MAGI3: variants seen among roughly 807,000 people sequenced by gnomAD.
MAGI3 encodes membrane associated guanylate kinase, WW and PDZ domain containing 3.
A neutral mutation model predicts 121.8 loss-of-function variants in MAGI3; 43 were observed. The observed-to-expected ratio is 0.35, with a 90% CI of 0.28 to 0.46. The LOEUF is 0.46. MAGI3 is among the 20% of genes least tolerant of loss of function. The pLI is 1.00. For synonymous variants in MAGI3, 553 were observed against 639.3 expected (o/e 0.86, Z 2.04); for missense variants, 1,547 against 1,797.3 (o/e 0.86, Z 2.52).
chr1:113,503,218 TTAAAAAAAAAAAAAAAAAAA>T (rs1287710106), intron 1 of MAGI3, among the ~76,000 whole-genome samples: 253 of 11,722 alleles, frequency 0.022, 8 homozygotes, highest in Admixed American at 0.028. Context: ...TAGAGTATAA[TTAAAAAAAAAAAAAAAAAAA>T]AAAAAAAAAA....
chr1:113,616,885 CT>C (rs36011283), intron 7 of MAGI3, among the ~76,000 whole-genome samples: 238 of 134,094 alleles, frequency 1.8e-3, no homozygotes, highest in Middle Eastern at 3.9e-3. Context: ...ACAACTAAAA[CT>C]TTTTTTTTTT....
chr1:113,593,658 T>G (rs1392813847), intron 5 of MAGI3, among the ~76,000 whole-genome samples: 1 of 152,250 alleles, frequency 6.6e-6, no homozygotes, highest in Non-Finnish European at 1.5e-5. Context: ...ATATTTAAAC[T>G]AACACTGTTT....
At position 113,391,595 on chromosome 1, in the gene MAGI3, T is replaced by C. The variant is rs111309720; in HGVS notation, c.316+246T>C. On this transcript the variant is annotated intron_variant, in intron 1 of 20. Transcript: ENST00000307546. The surrounding 1 kb of genome is among the most constrained non-coding windows in gnomAD (Gnocchi z 4.4). ...GTGCTAGCTGTCACAGAATTGCGAC[T>C]AGAAGCTGGGTTTCCTACATTTGTA... Among the ~76,000 whole-genome samples, 825 of 152,304 alleles carry C rather than the reference T, an allele frequency of 5.4e-3. 9 individuals carry two copies. Among genetic ancestry groups the C allele is most frequent in the Middle Eastern group, 0.02 (6 of 294 alleles).
At chr1:113,426,612 A>G (rs764521753) in intron 1 of MAGI3, among the ~76,000 whole-genome samples, 5 of 152,172 alleles carry the variant, frequency 3.3e-5, no homozygotes, top group Non-Finnish European at 1.5e-5. Flanking sequence ...ATGTTTTCCT[A>G]GTAGATTGAC....
chr1:113,633,099 T>C (rs1651745150), intron 9 of MAGI3, among the ~76,000 whole-genome samples: 1 of 132,460 alleles, frequency 7.5e-6, no homozygotes, highest in Non-Finnish European at 1.5e-5. Context: ...TTCCCCTTCC[T>C]GTGTCCATGT....
intron 2 of MAGI3, among the ~76,000 whole-genome samples, chr1:113,552,566 C>A (rs1416108164): frequency 6.6e-6 from 1 of 152,156 alleles, no homozygotes; most frequent in African/African-American, 2.4e-5. Flanking sequence ...CTTGTACTTT[C>A]TAAGATAGGT....
intron 1 of MAGI3, chr1:113,449,885 T>G (rs549801272): frequency 6.6e-7 from 1 of 1,525,134 alleles, no homozygotes; most frequent in Admixed American, 1.7e-5. Flanking sequence ...TGACTTATTC[T>G]TGTGTTGAAG....
intron 1 of MAGI3, among the ~76,000 whole-genome samples, chr1:113,418,338 A>G (rs753847588): frequency 1.3e-5 from 2 of 151,882 alleles, no homozygotes; most frequent in Non-Finnish European, 2.9e-5. Flanking sequence ...CCTACTTGAA[A>G]TTTTCCACAG....
In MAGI3 at chr1:113,489,169, GC is replaced by G. The variant is rs142365833; in HGVS notation, c.317-60338del. On this transcript the variant is annotated intron_variant, in intron 1 of 20. Coordinates refer to ENST00000307546, the MANE Select transcript of MAGI3 (RefSeq NM_001142782.2). ...GACCAGCGGTCTGGGAACACCTTAGGCCCCCCCCGACCCCAGCACAGTGGAT... is the reference window on the plus strand; with the variant it reads ...GACCAGCGGTCTGGGAACACCTTAGGCCCCCCCGACCCCAGCACAGTGGAT... Among the ~76,000 whole-genome samples, 13 of 148,404 alleles carry G rather than the reference GC, an allele frequency of 8.8e-5. No homozygotes were observed. In the East Asian group the frequency reaches 2.0e-3, roughly 23 times the overall value.
At chr1:113,456,372 C>A (rs776884511) in intron 1 of MAGI3, among the ~76,000 whole-genome samples, 9 of 152,116 alleles carry the variant, frequency 5.9e-5, no homozygotes, top group Admixed American at 2.6e-4. Flanking sequence ...TGTAAGCTTT[C>A]TAGGAAATAA....
rs776249111 is a variant in MAGI3, at chr1:113,682,897, G to A, written c.3329G>A (p.Gly1110Asp). 1 of 1,561,522 alleles carries A rather than the reference G, an allele frequency of 6.4e-7. No homozygotes were observed. Among genetic ancestry groups the A allele is most frequent in the Non-Finnish European group, 8.6e-7 (1 of 1,159,062 alleles). Residue 1110 changes from glycine to aspartate, a missense_variant and splice_region_variant, in exon 21 of 21, where the codon GGT (glycine) becomes GAT (aspartate). Transcript: ENST00000307546. ...TGTTCCATTCAAATCACTTTTTTAG[G>A]TGATTGGGATATTAATAATCCTTCG... ...RPGTGLIPDHGDWDINNPSSS... is the reference protein window; with the variant it reads ...RPGTGLIPDHDDWDINNPSSS...
chr1:113,672,658 T>TA lies in MAGI3; in HGVS notation c.2963dup (p.Tyr988Ter). ...GEIGKDVSTSYRHSWSDHKHL... is the reference protein window; with the variant it reads ...GEIGKDVSTS ...AATTGGAAAAGATGTCTCCACTTCT[T>TA]ACAGACATTCTTGGTCAGACCACAA... Residue 988 changes from tyrosine to a stop codon, truncating the protein, a stop_gained and frameshift_variant, in exon 18 of 21, where the codon TAC becomes TAAC. Coordinates refer to ENST00000307546, the MANE Select transcript of MAGI3 (RefSeq NM_001142782.2). LOFTEE classifies it high-confidence loss of function. 1 of 1,613,958 alleles carries TA rather than the reference T, an allele frequency of 6.2e-7. No individual in the cohort carries two copies. The highest frequency in any genetic ancestry group is 2.2e-5 in the East Asian group (1 of 44,866).
chr1:113,668,990 T>A (rs1262602774), intron 16 of MAGI3, among the ~76,000 whole-genome samples: 6 of 152,208 alleles, frequency 3.9e-5, no homozygotes, highest in Admixed American at 1.3e-4. Flanking sequence ...TTGATCAGAT[T>A]ACTTCTATTG....
chr1:113,616,204 A>G (rs1359394502), intron 7 of MAGI3, among the ~76,000 whole-genome samples: 1 of 152,214 alleles, frequency 6.6e-6, no homozygotes, highest in African/African-American at 2.4e-5. Flanking sequence ...AGGGAGGTAC[A>G]TGAAATAGCC....
At chr1:113,555,575 C>G (rs1386936954) in intron 2 of MAGI3, among the ~76,000 whole-genome samples, 1 of 152,076 alleles carries the variant, frequency 6.6e-6, no homozygotes, top group Non-Finnish European at 1.5e-5. Context: ...CACCACAAAA[C>G]AAGAACTGAT....
chr1:113,659,552 A>C (rs560319079), intron 16 of MAGI3, among the ~76,000 whole-genome samples: 1 of 152,368 alleles, frequency 6.6e-6, no homozygotes, highest in South Asian at 2.1e-4. Context: ...TACTTTTCAG[A>C]TCTTATTTTC....
intron 1 of MAGI3, among the ~76,000 whole-genome samples, chr1:113,547,297 A>T (rs1319235461): frequency 1.1e-5 from 1 of 92,594 alleles, no homozygotes; most frequent in Admixed American, 1.6e-4. Flanking sequence ...TTCAAATTTA[A>T]AAAAAAAAGG....
At chr1:113,567,037 T>C (rs1345559163) in intron 2 of MAGI3, among the ~76,000 whole-genome samples, 5 of 148,210 alleles carry the variant, frequency 3.4e-5, no homozygotes, top group African/African-American at 1.2e-4. Flanking sequence ...CTAAAATTGA[T>C]AAACCCTTAC....
intron 1 of MAGI3, among the ~76,000 whole-genome samples, chr1:113,402,451 T>C (rs964417790): frequency 2.6e-5 from 4 of 152,214 alleles, no homozygotes; most frequent in African/African-American, 9.6e-5. Flanking sequence ...TTAGTTACTT[T>C]AGCTTTAGCT....
Sources: gnomAD v4.1 joint callset for allele counts (sites outside exome capture counted in the v4.1 genomes callset) on GRCh38, gnomAD v4.1.1 for gene constraint, Gnocchi (gnomAD v3.1) non-coding constraint, MANE v1.5 for transcripts, NCBI Gene and HGNC (gene_info 2026-07-23, HGNC 2026-07-21) for gene names.